The following QSOX2 variants were observed in gnomAD, a reference collection of about 807,000 sequenced individuals.
The protein encoded by QSOX2 is sulfhydryl oxidase 2.
QSOX2 carries 46 observed loss-of-function variants against 61.7 expected under a neutral mutation model. The observed-to-expected ratio is 0.75, with a 90% CI of 0.59 to 0.95. QSOX2 has a LOEUF of 0.95. Among genes scored for constraint, QSOX2 ranks in the 40% least tolerant of loss-of-function variants. The probability of loss-of-function intolerance (pLI) is 0.00; values close to 1 mark genes in which losing one functional copy is unlikely to be tolerated. For missense variants in QSOX2, 879 were observed against 918.9 expected (o/e 0.96, Z 0.56); for synonymous variants, 383 against 388.4 (o/e 0.99, Z 0.16).
chr9:136,242,330 C>T (rs1463047728), intron 1 of QSOX2, among the ~76,000 whole-genome samples: 1 of 152,372 alleles, frequency 6.6e-6, no homozygotes, highest in African/African-American at 2.4e-5. Flanking sequence ...GCAGAGCCCA[C>T]ACCTAACCAT....
At position 136,221,621 on chromosome 9, in the gene QSOX2, A is replaced by T. The variant is rs62579015; in HGVS notation, c.821+175T>A. Among the ~76,000 whole-genome samples, 1 of 152,208 alleles carries T rather than the reference A, an allele frequency of 6.6e-6. No individual in the cohort carries two copies. The highest frequency in any genetic ancestry group is 2.4e-5 in the African/African-American group (1 of 41,448). ...AGAAAACAGAAATCCACGAAAACAC[A>T]GCACAGATCAGCAATACCCACGGGC... On this transcript the variant is annotated intron_variant, in intron 6 of 11. Coordinates refer to ENST00000358701, the MANE Select transcript of QSOX2 (RefSeq NM_181701.4). The surrounding 1 kb of genome is among the most constrained non-coding windows in gnomAD (Gnocchi z 4.5).
chr9:136,233,067 G>A (rs1275302201), intron 1 of QSOX2, among the ~76,000 whole-genome samples: 1 of 152,134 alleles, frequency 6.6e-6, no homozygotes, highest in Non-Finnish European at 1.5e-5. Flanking sequence ...AGGAAGAGGA[G>A]CGAGCACCAG....
Position 136,208,002 on chromosome 9 carries a change from CTG to C in QSOX2, c.*724_*725del, listed in dbSNP as rs1253303492. The C allele has an allele frequency of 6.6e-6, 1 of 152,260 alleles. No homozygotes were observed. The highest frequency in any genetic ancestry group is 1.5e-5 in the Non-Finnish European group (1 of 68,074). The allele number at this position is 152,260 out of a possible 1,614,324, so 9.4% of individuals were successfully genotyped here. A position where few individuals can be genotyped will look rare whatever the true frequency, so the allele number is the denominator to read the frequency against. On this transcript the variant is annotated 3_prime_UTR_variant, in exon 12 of 12. Coordinates refer to ENST00000358701, the MANE Select transcript of QSOX2 (RefSeq NM_181701.4). ...CCCCCAGGTCCACAGCCCAAGGCCT[CTG>C]GGGGTTATTTTCTGAAACGCAGCAC...
chr9:136,226,728 G>A (rs201377709), intron 2 of QSOX2, 46 bp downstream of exon 2: 1 of 1,456,538 alleles, frequency 6.9e-7, no homozygotes, highest in Non-Finnish European at 9.7e-7. Context: ...CTGGAAGGTG[G>A]GGTAGAAGGT....
At chr9:136,229,140 C>T (rs1381001951) in intron 1 of QSOX2, among the ~76,000 whole-genome samples, 4 of 152,296 alleles carry the variant, frequency 2.6e-5, no homozygotes, top group South Asian at 2.1e-4. Context: ...ATACCGTTCC[C>T]GCTTACGCTG....
At chr9:136,234,630 G>T (rs1564296904) in intron 1 of QSOX2, among the ~76,000 whole-genome samples, 2 of 152,326 alleles carry the variant, frequency 1.3e-5, no homozygotes, top group Non-Finnish European at 1.5e-5. Flanking sequence ...TCCTGGGCGT[G>T]AGGCTGCTGT....
At chr9:136,224,593 C>G (rs1172435078) in intron 3 of QSOX2, among the ~76,000 whole-genome samples, 4 of 152,214 alleles carry the variant, frequency 2.6e-5, no homozygotes, top group Non-Finnish European at 4.4e-5. Flanking sequence ...TACATGTGAT[C>G]TGTGCACATC....
rs1024514503 is a variant in QSOX2, at chr9:136,221,275, C to T, written c.821+521G>A. Among the ~76,000 whole-genome samples, 14 of 152,258 alleles carry T rather than the reference C, an allele frequency of 9.2e-5. No homozygotes were observed. In the East Asian group the frequency reaches 9.7e-4, roughly 11 times the overall value. On this transcript the variant is annotated intron_variant, in intron 6 of 11. Transcript: ENST00000358701. This position sits in a 1 kb window ranked among gnomAD's most constrained non-coding sequence, Gnocchi z 4.5. ...AGGGCTTATCCTCATGAGGGGCACA[C>T]GGGCACCCCACGCAGAGGCAAAGGG...
rs1348222067 is a variant in QSOX2, at chr9:136,245,756, C to G, written c.48G>C (p.Ala16=). ...AGCGCCGGGCTCTCAGCGCAGGTCC[C>G]GCTCCGATTCCCGGGCTGCGCGCCA... ...AAVARSPGIG[A]GPALRARRSP... The change falls in exon 1 of 12, where the codon GCG becomes GCC. Residue 16 remains alanine, a synonymous_variant. Coordinates refer to ENST00000358701, the MANE Select transcript of QSOX2 (RefSeq NM_181701.4). 8.7e-7 allele frequency: 1 copy of G among 1,155,438 alleles called. No homozygotes were observed. 71.6% of individuals were successfully genotyped at this position (1,155,438 alleles called of 1,614,324 possible).
Position 136,245,704 on chromosome 9 carries a change from G to A in QSOX2, c.100C>T (p.Pro34Ser). Reference protein sequence around the residue: ...RSPPPRAARLPRLLVLLAAAA... With the variant: ...RSPPPRAARLSRLLVLLAAAA... ...GCCGCTAGCAGCACTAGCAGCCGCG[G>A]CAGCCGTGCGGCCCGCGGCGGGGGC... Residue 34 changes from proline (P) to serine (S), a missense_variant, in exon 1 of 12, where the codon CCG (proline) becomes TCG (serine). Coordinates refer to ENST00000358701, the MANE Select transcript of QSOX2 (RefSeq NM_181701.4). The A allele has an allele frequency of 8.7e-7, 1 of 1,153,968 alleles. No individual in the cohort carries two copies. Among genetic ancestry groups the A allele is most frequent in the Non-Finnish European group, 1.1e-6 (1 of 940,002 alleles). The allele number at this position is 1,153,968 out of a possible 1,614,324, so 71.5% of individuals were successfully genotyped here. A position where few individuals can be genotyped will look rare whatever the true frequency, so the allele number is the denominator to read the frequency against.
intron 9 of QSOX2, among the ~76,000 whole-genome samples, chr9:136,215,706 G>A (rs143393806): frequency 2.0e-5 from 3 of 152,220 alleles, no homozygotes; most frequent in African/African-American, 7.2e-5. Context: ...GAACAAACAA[G>A]GTGTGTTCAC....
chr9:136,226,972 G>T, intron 1 of QSOX2, 98 bp from the exon 2 acceptor site: 1 of 931,352 alleles, frequency 1.1e-6, no homozygotes, highest in South Asian at 1.3e-5. Context: ...CCACCTGCGA[G>T]ACCAGCCCAC....
chr9:136,220,003 T>A (rs528354444), intron 6 of QSOX2, among the ~76,000 whole-genome samples: 2 of 152,324 alleles, frequency 1.3e-5, no homozygotes, highest in African/African-American at 4.8e-5. Flanking sequence ...GTGGTTACCC[T>A]GAATTCCAGC....
chr9:136,241,003 C>T lies in QSOX2; in HGVS notation c.328+4473G>A, dbSNP rs1830429143. Among the ~76,000 whole-genome samples, 5 of 152,182 alleles carry T rather than the reference C, an allele frequency of 3.3e-5. No individual in the cohort carries two copies. The South Asian group carries it at 1.0e-3, about 32-fold the overall frequency. The stretch of plus-strand genomic sequence containing the variant: ...GACACAGCGGAGACGGCTCCCTGGA[C>T]GTGGCTGTAAGGCCCTCTTAGCAAA... On this transcript the variant is annotated intron_variant, in intron 1 of 11. Transcript: ENST00000358701.
chr9:136,211,524 G>T, intron 10 of QSOX2, 72 bp from the exon 11 acceptor site: 2 of 1,515,136 alleles, frequency 1.3e-6, no homozygotes, highest in Non-Finnish European at 9.1e-7. Flanking sequence ...TGTCCAGAGA[G>T]CCTGGGGGGA....
At chr9:136,240,763 G>A (rs1289391806) in intron 1 of QSOX2, among the ~76,000 whole-genome samples, 2 of 152,226 alleles carry the variant, frequency 1.3e-5, no homozygotes, top group East Asian at 1.9e-4. Flanking sequence ...TGAGGGCAGG[G>A]CTGGGTCCCA....
At position 136,209,846 on chromosome 9, in the gene QSOX2, A is replaced by G. The variant is rs2131047644; in HGVS notation, c.1550-571T>C. On this transcript the variant is annotated intron_variant, in intron 11 of 11. Transcript: ENST00000358701. The surrounding 1 kb of genome is among the most constrained non-coding windows in gnomAD (Gnocchi z 5.6). ...CCCTTTCCGGACTACAAATCCCTTC[A>G]AGATCTCCAAAACTCGTTTCTGAAG... 1 of 985,302 alleles carries G rather than the reference A, an allele frequency of 1.0e-6. No individual in the cohort carries two copies. Among genetic ancestry groups the G allele is most frequent in the Admixed American group, 6.1e-5 (1 of 16,290 alleles). 61.0% of individuals were successfully genotyped at this position (985,302 alleles called of 1,614,324 possible).
Position 136,228,716 on chromosome 9 carries a change from C to T in QSOX2, c.329-1842G>A, listed in dbSNP as rs551570918. Among the ~76,000 whole-genome samples, 14 of 152,338 alleles carry T rather than the reference C, an allele frequency of 9.2e-5. No homozygotes were observed. In the Middle Eastern group the frequency reaches 0.01, roughly 111 times the overall value. ...CTGCCTGGAGGAATGGAGCCAGCCA[C>T]GTGGGGTGCTGCCCTGGCACAGCCT... On this transcript the variant is annotated intron_variant, in intron 1 of 11. Coordinates refer to ENST00000358701, the MANE Select transcript of QSOX2 (RefSeq NM_181701.4).
rs1049830920 is a variant in QSOX2, at chr9:136,221,680, G to C, written c.821+116C>G. ...AGGGCCCAAATCTGCCCAGGGAAGC[G>C]AGGCGGAGGGGCCAGGGCTCCCCCG... On this transcript the variant is annotated intron_variant, in intron 6 of 11. Transcript: ENST00000358701. This position sits in a 1 kb window ranked among gnomAD's most constrained non-coding sequence, Gnocchi z 4.5. The C allele has an allele frequency of 8.8e-7, 1 of 1,138,384 alleles. No individual in the cohort carries two copies. The highest frequency in any genetic ancestry group is 2.7e-5 in the East Asian group (1 of 37,504). 70.5% of individuals were successfully genotyped at this position (1,138,384 alleles called of 1,614,324 possible). A position where few individuals can be genotyped will look rare whatever the true frequency, so the allele number is the denominator to read the frequency against.
Sources: gnomAD v4.1 joint callset for allele counts (sites outside exome capture counted in the v4.1 genomes callset) on GRCh38, gnomAD v4.1.1 for gene constraint, Gnocchi (gnomAD v3.1) non-coding constraint, MANE v1.5 for transcripts, NCBI Gene and HGNC (gene_info 2026-07-23, HGNC 2026-07-21) for gene names.